Variants in ATP6V1H observed in about 807,000 individuals in gnomAD.
ATP6V1H encodes the protein ATPase H+ transporting V1 subunit H, also known as V-type proton ATPase subunit H.
ATP6V1H carries 39 observed loss-of-function variants against 71.7 expected under a neutral mutation model. The observed-to-expected ratio is 0.54, with a 90% CI of 0.42 to 0.71. The LOEUF is 0.71. Ranked by LOEUF, ATP6V1H falls within the 30% of genes least tolerant of loss-of-function variation. The pLI is 0.00. For synonymous variants in ATP6V1H, 192 were observed against 199.3 expected, an observed-to-expected ratio of 0.96 and a Z score of 0.31; for missense variants, 509 against 594.9, an observed-to-expected ratio of 0.86 and a Z score of 1.50.
intron 9 of ATP6V1H, among the ~76,000 whole-genome samples, chr8:53,775,125 G>C (rs1207455883): frequency 6.6e-6 from 1 of 152,230 alleles, no homozygotes; most frequent in East Asian, 1.9e-4. Flanking sequence ...TCATGGTCTC[G>C]CTAGCTCAGG....
At chr8:53,794,211 A>G (rs1349547928) in intron 9 of ATP6V1H, among the ~76,000 whole-genome samples, 1 of 152,182 alleles carries the variant, frequency 6.6e-6, no homozygotes, top group Non-Finnish European at 1.5e-5. Context: ...GACCAGTATA[A>G]TATGTCATTT....
At position 53,835,635 on chromosome 8, in the gene ATP6V1H, T is replaced by C. The variant is rs1811134412; in HGVS notation, c.114-2549A>G. Among the ~76,000 whole-genome samples the C allele has an allele frequency of 2.6e-5, 4 of 152,338 alleles. 1 individual carries two copies. The South Asian group carries it at 8.3e-4, about 32-fold the overall frequency. ...TCTTCTTACATCAGTTTCACACTGT[T>C]TTAAGCACTGTAACTTTGTTTTCAC... On this transcript the variant is annotated intron_variant, in intron 2 of 13. Coordinates refer to ENST00000359530, the MANE Select transcript of ATP6V1H (RefSeq NM_015941.4).
intron 13 of ATP6V1H, among the ~76,000 whole-genome samples, chr8:53,731,087 T>C (rs1806999816): frequency 6.6e-6 from 1 of 152,204 alleles, no homozygotes; most frequent in Non-Finnish European, 1.5e-5. Context: ...AGAATCCCAG[T>C]TCCACTTCTG....
At chr8:53,814,830 A>T (rs1443614905) in intron 5 of ATP6V1H, 64 bp from the exon 6 acceptor site, 4 of 1,098,978 alleles carry the variant, frequency 3.6e-6, no homozygotes, top group Non-Finnish European at 5.3e-6. Flanking sequence ...CATATACCTT[A>T]AAAAAAGGAT....
intron 12 of ATP6V1H, among the ~76,000 whole-genome samples, chr8:53,753,044 A>T (rs1022474657): frequency 1.2e-4 from 18 of 152,052 alleles, no homozygotes; most frequent in Admixed American, 2.0e-4. Flanking sequence ...GGGGGAAAAA[A>T]AAAACAACAA....
intron 7 of ATP6V1H, among the ~76,000 whole-genome samples, chr8:53,810,200 A>G (rs1226778753): frequency 6.6e-6 from 1 of 152,228 alleles, no homozygotes; most frequent in Non-Finnish European, 1.5e-5. Flanking sequence ...TCAACAAAGG[A>G]AGCTAGACAC....
intron 11 of ATP6V1H, among the ~76,000 whole-genome samples, chr8:53,760,229 A>G (rs1489394239): frequency 6.6e-6 from 1 of 152,216 alleles, no homozygotes; most frequent in African/African-American, 2.4e-5. Context: ...AGTAAGGTGC[A>G]AAGTGGCAGA....
At chr8:53,771,432 G>A (rs1808645310) in intron 10 of ATP6V1H, among the ~76,000 whole-genome samples, 1 of 152,188 alleles carries the variant, frequency 6.6e-6, no homozygotes. Flanking sequence ...GTTGTAGGGG[G>A]CAGGCAGAGA....
rs1290419346 is a variant in ATP6V1H at position 53,841,710 on chromosome 8, A to G, written c.-20T>C. 4 of 1,610,650 alleles carry G rather than the reference A, an allele frequency of 2.5e-6. No homozygotes were observed. ...GGTCATCTAAACTTCGTAATCTTGA[A>G]TGTCTTTCAACAAATCTTCAATTTT... On this transcript the variant is annotated 5_prime_UTR_variant, in exon 2 of 14. Transcript: ENST00000359530.
At chr8:53,823,769 T>C (rs1453601410) in intron 4 of ATP6V1H, among the ~76,000 whole-genome samples, 3 of 152,180 alleles carry the variant, frequency 2.0e-5, no homozygotes, top group African/African-American at 7.2e-5. Flanking sequence ...CCACCATGCC[T>C]GGCCAATATT....
At chr8:53,734,649 A>C (rs1807133812) in intron 13 of ATP6V1H, among the ~76,000 whole-genome samples, 1 of 152,226 alleles carries the variant, frequency 6.6e-6, no homozygotes, top group Non-Finnish European at 1.5e-5. Context: ...TATTAGAAGC[A>C]GCGTAGAGGC....
At chr8:53,761,511 T>C (rs1808274148) in intron 11 of ATP6V1H, among the ~76,000 whole-genome samples, 2 of 152,214 alleles carry the variant, frequency 1.3e-5, no homozygotes, top group South Asian at 4.1e-4. Context: ...ATAATAAAGA[T>C]ATGCATAATG....
intron 12 of ATP6V1H, among the ~76,000 whole-genome samples, chr8:53,755,957 C>T (rs1166570639): frequency 7.1e-6 from 1 of 141,430 alleles, no homozygotes; most frequent in African/African-American, 2.6e-5. Context: ...CGGGGTTTCA[C>T]CGTTTTAGCC....
At chr8:53,751,009 G>A (rs1053425020) in intron 12 of ATP6V1H, among the ~76,000 whole-genome samples, 2 of 152,104 alleles carry the variant, frequency 1.3e-5, no homozygotes, top group Non-Finnish European at 2.9e-5. Context: ...CATTCACAGA[G>A]GAGGAAACCA....
At chr8:53,801,951 T>C (rs1417525296) in intron 7 of ATP6V1H, 55 bp from the exon 8 acceptor site, 1 of 1,469,472 alleles carries the variant, frequency 6.8e-7, no homozygotes. Context: ...AGTCATGCGA[T>C]CAGACACACA....
chr8:53,834,074 G>A (rs1239278345), intron 2 of ATP6V1H, among the ~76,000 whole-genome samples: 1 of 152,160 alleles, frequency 6.6e-6, no homozygotes, highest in Non-Finnish European at 1.5e-5. Flanking sequence ...CAGCAGAACA[G>A]ACCTGCTAGC....
intron 9 of ATP6V1H, among the ~76,000 whole-genome samples, chr8:53,774,566 C>T (rs1808795487): frequency 4.6e-5 from 7 of 152,152 alleles, no homozygotes; most frequent in Non-Finnish European, 1.5e-5. Flanking sequence ...ATTCCAGAGA[C>T]TCCACTTCCA....
At chr8:53,795,459 T>C (rs538386977) in intron 9 of ATP6V1H, among the ~76,000 whole-genome samples, 188 bp downstream of exon 9, 4 of 152,360 alleles carry the variant, frequency 2.6e-5, no homozygotes, top group Admixed American at 6.5e-5. Flanking sequence ...ATAGATAGTT[T>C]CCTCTCACCT....
At chr8:53,806,689 G>A (rs75600718) in intron 7 of ATP6V1H, 1 of 364,374 alleles carries the variant, frequency 2.7e-6, no homozygotes, top group African/African-American at 2.1e-5. Context: ...TGTTATCAGT[G>A]CTATACTTTG....
Sources: gnomAD v4.1 joint callset for allele counts (sites outside exome capture counted in the v4.1 genomes callset) on GRCh38, gnomAD v4.1.1 for gene constraint, MANE v1.5 for transcripts, NCBI Gene and HGNC (gene_info 2026-07-23, HGNC 2026-07-21) for gene names.